The following NRXN3 variants were observed in gnomAD, a reference collection of about 807,000 sequenced individuals.
NRXN3 encodes neurexin III.
A neutral mutation model predicts 137.6 loss-of-function variants in NRXN3; 32 were observed. That is an observed-to-expected ratio of 0.23 (90% CI 0.18 to 0.31). The LOEUF is 0.31. Ranked by LOEUF, NRXN3 falls within the 10% of genes least tolerant of loss-of-function variation. NRXN3 has a pLI of 1.00. For synonymous variants in NRXN3, 798 were observed against 784.5 expected, an observed-to-expected ratio of 1.02 and a Z score of -0.29; for missense variants, 1,574 against 2,062.5, an observed-to-expected ratio of 0.76 and a Z score of 4.59.
intron 4 of NRXN3, among the ~76,000 whole-genome samples, chr14:78,445,798 C>G (rs1015916245): frequency 6.6e-6 from 1 of 152,118 alleles, no homozygotes; most frequent in Non-Finnish European, 1.5e-5. Context: ...TTGGTCTCTT[C>G]TCAATGGAAT....
intron 10 of NRXN3, among the ~76,000 whole-genome samples, chr14:78,862,013 G>A (rs1027332707): frequency 6.6e-6 from 1 of 152,064 alleles, no homozygotes; most frequent in Non-Finnish European, 1.5e-5. Context: ...CTGTTTCCAT[G>A]TGAACTAGAG....
chr14:78,255,618 G>A (rs2069441089), intron 2 of NRXN3, among the ~76,000 whole-genome samples: 1 of 152,226 alleles, frequency 6.6e-6, no homozygotes, highest in African/African-American at 2.4e-5. Flanking sequence ...TGTGGCAGGA[G>A]TATGTGAGGA....
At chr14:79,455,947 T>C (rs2153595447) in intron 15 of NRXN3, among the ~76,000 whole-genome samples, 1 of 152,160 alleles carries the variant, frequency 6.6e-6, no homozygotes, top group Middle Eastern at 3.5e-3. Flanking sequence ...TTTATTTATG[T>C]TTATTTTCCT....
chr14:79,706,479 A>G (rs1456209373), intron 19 of NRXN3, among the ~76,000 whole-genome samples: 1 of 140,660 alleles, frequency 7.1e-6, no homozygotes, highest in Non-Finnish European at 1.5e-5. Context: ...GTGCCTGCAT[A>G]AACTGGCCAT....
chr14:78,518,536 A>G lies in NRXN3; in HGVS notation c.758-126584A>G, dbSNP rs192377638. On this transcript the variant is annotated intron_variant, in intron 4 of 20. Coordinates refer to ENST00000335750, the MANE Select transcript of NRXN3 (RefSeq NM_001330195.2). ...TGAGAACCAATGAGAGTGTCTCTCC[A>G]TGAACTGTCAAAACCTCTGGGATCC... is the stretch of plus-strand genomic sequence containing the variant. Among the ~76,000 whole-genome samples the G allele has an allele frequency of 1.3e-3, 195 of 152,282 alleles. 1 individual carries two copies. Among genetic ancestry groups the G allele is most frequent in the African/African-American group, 4.5e-3 (187 of 41,554 alleles).
intron 1 of NRXN3, among the ~76,000 whole-genome samples, chr14:78,236,729 TCC>T (rs5809870): frequency 1.3e-4 from 19 of 141,384 alleles, no homozygotes; most frequent in African/African-American, 2.6e-4. Context: ...TAGGTATTAT[TCC>T]CCCCCCCCTT....
At chr14:78,666,849 G>A (rs759749702) in intron 6 of NRXN3, among the ~76,000 whole-genome samples, 7 of 152,146 alleles carry the variant, frequency 4.6e-5, no homozygotes, top group Non-Finnish European at 1.0e-4. Context: ...GCCCAGCAAA[G>A]CATGTCTTCT....
rs66861661 is a variant in NRXN3, at chr14:78,898,554, C to CGTGTGTGT, written c.2276-58647_2276-58640dup. The stretch of plus-strand genomic sequence containing the variant: ...TGCTTTCCAGAGCACAGCTGGGTTT[C>CGTGTGTGT]GTGTGTGTGTGTGTGTGTGTGTGTG... On this transcript the variant is annotated intron_variant, in intron 10 of 20. Coordinates refer to ENST00000335750, the MANE Select transcript of NRXN3 (RefSeq NM_001330195.2). Among the ~76,000 whole-genome samples the CGTGTGTGT allele has an allele frequency of 1.4e-3, 193 of 136,336 alleles. 2 individuals are homozygous for CGTGTGTGT. Among genetic ancestry groups the CGTGTGTGT allele is most frequent in the East Asian group, 9.1e-3 (41 of 4,492 alleles). The allele number at this position is 136,336 out of a possible 152,430, so 89.4% of individuals were successfully genotyped here.
chr14:78,944,270 T>C (rs2099361004), intron 10 of NRXN3, among the ~76,000 whole-genome samples: 1 of 152,214 alleles, frequency 6.6e-6, no homozygotes. Flanking sequence ...TAGAGAGCAC[T>C]GGACTGGGAG....
At chr14:79,101,708 A>G (rs777960795) in intron 15 of NRXN3, among the ~76,000 whole-genome samples, 39 of 152,166 alleles carry the variant, frequency 2.6e-4, no homozygotes, top group Non-Finnish European at 4.3e-4. Context: ...GAGTCCCCCA[A>G]AAGGATATGT....
chr14:79,287,311 T>C (rs963672838), intron 15 of NRXN3, among the ~76,000 whole-genome samples: 14 of 152,174 alleles, frequency 9.2e-5, no homozygotes, highest in Non-Finnish European at 1.9e-4. Flanking sequence ...GCCAGGCAAA[T>C]TTTAGCATGG....
intron 15 of NRXN3, among the ~76,000 whole-genome samples, chr14:79,449,465 T>G (rs985299098): frequency 6.6e-6 from 1 of 152,114 alleles, no homozygotes; most frequent in African/African-American, 2.4e-5. Flanking sequence ...AGCAAATCAT[T>G]TTTTAGGGAG....
At chr14:79,507,295 G>C (rs1053946639) in intron 16 of NRXN3, among the ~76,000 whole-genome samples, 1 of 152,070 alleles carries the variant, frequency 6.6e-6, no homozygotes, top group East Asian at 1.9e-4. Context: ...CTATCTTTAA[G>C]TTTCATATGA....
At chr14:78,316,783 T>A (rs936632158) in intron 4 of NRXN3, among the ~76,000 whole-genome samples, 1 of 152,184 alleles carries the variant, frequency 6.6e-6, no homozygotes, top group Non-Finnish European at 1.5e-5. Flanking sequence ...CAAGACCTAG[T>A]GTTTGTCTTC....
chr14:79,467,206 T>G lies in NRXN3; in HGVS notation c.3263-15T>G, dbSNP rs747041444. 6 of 1,589,486 alleles carry G rather than the reference T, an allele frequency of 3.8e-6. No homozygotes were observed. The Admixed American group carries it at 1.0e-4, about 27-fold the overall frequency. ...TGTAGTGCCTTGATGTCTCCCTCTC[T>G]CCTTGCTTTTGCAGCTGGCGCTACG... On this transcript the variant is annotated splice_polypyrimidine_tract_variant and intron_variant, in intron 15 of 20. Coordinates refer to ENST00000335750, the MANE Select transcript of NRXN3 (RefSeq NM_001330195.2).
chr14:79,260,260 T>A (rs2077395761), intron 15 of NRXN3, among the ~76,000 whole-genome samples: 1 of 152,162 alleles, frequency 6.6e-6, no homozygotes, highest in Admixed American at 6.5e-5. Flanking sequence ...CACATATCCA[T>A]ATCTATAAAT....
chr14:78,400,110 T>C (rs372753506), intron 4 of NRXN3, among the ~76,000 whole-genome samples: 3 of 152,236 alleles, frequency 2.0e-5, no homozygotes, highest in Admixed American at 1.3e-4. Context: ...TTCATTCTAT[T>C]AGAAATATTG....
At chr14:79,413,740 A>G (rs1009516826) in intron 15 of NRXN3, among the ~76,000 whole-genome samples, 1 of 152,118 alleles carries the variant, frequency 6.6e-6, no homozygotes, top group Non-Finnish European at 1.5e-5. Flanking sequence ...TTAATAAGTC[A>G]TAGGAATGAA....
chr14:79,346,839 T>A (rs2092911507), intron 15 of NRXN3, among the ~76,000 whole-genome samples: 1 of 152,220 alleles, frequency 6.6e-6, no homozygotes, highest in Non-Finnish European at 1.5e-5. Context: ...ATGGATACTA[T>A]GTCTTCCCCA....
Sources: allele counts gnomAD v4.1 joint callset (sites outside exome capture counted in the v4.1 genomes callset), GRCh38; gene constraint gnomAD v4.1.1; transcripts MANE v1.5; gene names NCBI Gene and HGNC (gene_info 2026-07-23, HGNC 2026-07-21).